The following PITPNB variants were observed in gnomAD, a reference collection of about 807,000 sequenced individuals.
PITPNB encodes phosphatidylinositol transfer protein beta isoform.
Under a neutral mutation model 45.9 loss-of-function variants are expected in PITPNB, and 16 were observed. The ratio of observed to expected loss-of-function variants is 0.35; its 90% CI spans 0.24 to 0.53. The LOEUF (loss-of-function observed/expected upper bound fraction) is 0.53, where lower values mean the gene tolerates loss of function less well. Among genes scored for constraint, PITPNB ranks in the 20% least tolerant of loss-of-function variants. The pLI is 0.93. For missense variants in PITPNB, 188 were observed against 330.5 expected, an observed-to-expected ratio of 0.57 and a Z score of 3.34; for synonymous variants, 112 against 108.9, an observed-to-expected ratio of 1.03 and a Z score of -0.18.
At chr22:27,881,244 CA>C (rs1323729429) in intron 7 of PITPNB, among the ~76,000 whole-genome samples, 1 of 152,156 alleles carries the variant, frequency 6.6e-6, no homozygotes, top group Non-Finnish European at 1.5e-5. Context: ...AGGCGTTTGG[CA>C]AACAGAAATT....
chr22:27,853,935 A>ATTT lies in PITPNB; in HGVS notation c.*39-275_*39-273dup, dbSNP rs35748712. On this transcript the variant is annotated intron_variant, in intron 11 of 11. Coordinates refer to ENST00000335272, the MANE Select transcript of PITPNB (RefSeq NM_012399.5). Reference sequence around the variant, plus strand: ...TTTAACAAAAGTAACAATAACTTAAATTTTTTTTTTTTTAATGAACATGGA... The same window carrying ATTT: ...TTTAACAAAAGTAACAATAACTTAAATTTTTTTTTTTTTTTTAATGAACATGGA... 4.9e-3 allele frequency among the ~76,000 whole-genome samples: 733 copies of ATTT among 149,206 alleles called. 19 individuals are homozygous for ATTT. In the South Asian group the frequency reaches 0.065, roughly 13 times the overall value.
chr22:27,860,544 A>G (rs1046435790), intron 8 of PITPNB: 1 of 224,830 alleles, frequency 4.4e-6, no homozygotes. Context: ...CATCAAACCA[A>G]TAGTGTCTTT....
chr22:27,898,420 T>C (rs1225246829), intron 3 of PITPNB, among the ~76,000 whole-genome samples: 1 of 150,926 alleles, frequency 6.6e-6, no homozygotes, highest in Non-Finnish European at 1.5e-5. Context: ...TGTGTGTGTG[T>C]GTGTGGTTTT....
chr22:27,918,784 A>G (rs1163909846), intron 1 of PITPNB, among the ~76,000 whole-genome samples: 2 of 152,056 alleles, frequency 1.3e-5, no homozygotes, highest in Non-Finnish European at 2.9e-5. Context: ...GTCAGAACCA[A>G]CGTGTCTCTC....
At chr22:27,916,559 C>CA (rs751908123) in intron 1 of PITPNB, among the ~76,000 whole-genome samples, 45 of 152,240 alleles carry the variant, frequency 3.0e-4, no homozygotes, top group Non-Finnish European at 5.4e-4. Context: ...CACCTGTAAT[C>CA]CCAGCACTTA....
intron 7 of PITPNB, among the ~76,000 whole-genome samples, chr22:27,891,472 A>AG (rs1935276944): frequency 6.6e-6 from 1 of 152,154 alleles, no homozygotes; most frequent in Non-Finnish European, 1.5e-5. Flanking sequence ...CATTTACTGA[A>AG]CTACACACTG....
At chr22:27,895,929 C>A (rs1247479916) in intron 6 of PITPNB, among the ~76,000 whole-genome samples, 1 of 152,194 alleles carries the variant, frequency 6.6e-6, no homozygotes, top group African/African-American at 2.4e-5. Context: ...AACTCCTAGA[C>A]CAAGGGCATC....
chr22:27,892,324 T>C lies in PITPNB; in HGVS notation c.456+2231A>G, dbSNP rs569709008. 3.9e-5 allele frequency among the ~76,000 whole-genome samples: 6 copies of C among 152,278 alleles called. No homozygotes were observed. In the South Asian group the frequency reaches 1.2e-3, roughly 32 times the overall value. On this transcript the variant is annotated intron_variant, in intron 7 of 11. Coordinates refer to ENST00000335272, the MANE Select transcript of PITPNB (RefSeq NM_012399.5). ...CATTCATGCCTGTAAACACTGCCCA[T>C]TTTCGCCTGAGGACAGGAACAAAGA... is the stretch of plus-strand genomic sequence containing the variant.
At position 27,875,794 on chromosome 22, in the gene PITPNB, A is replaced by G. The variant is rs542943413; in HGVS notation, c.457-1979T>C. ...GTAATTCAAGGAAACAGATAAAGTA[A>G]AAGAGAACTAACACAGTTCTGGCTC... On this transcript the variant is annotated intron_variant, in intron 7 of 11. Transcript: ENST00000335272. Among the ~76,000 whole-genome samples the G allele has an allele frequency of 5.3e-5, 8 of 152,332 alleles. No homozygotes were observed. The South Asian group carries it at 1.5e-3, about 28-fold the overall frequency.
At chr22:27,892,142 G>T (rs1359503437) in intron 7 of PITPNB, among the ~76,000 whole-genome samples, 2 of 152,160 alleles carry the variant, frequency 1.3e-5, no homozygotes, top group African/African-American at 4.8e-5. Context: ...GCCTTTGCAT[G>T]TGCAGTGCCT....
chr22:27,855,609 AC>A (rs1455666535), intron 10 of PITPNB, among the ~76,000 whole-genome samples: 1 of 151,912 alleles, frequency 6.6e-6, no homozygotes, highest in East Asian at 1.9e-4. Context: ...ACACATCCTC[AC>A]CCCCACCCCG....
At chr22:27,890,357 AT>A (rs35291498) in intron 7 of PITPNB, among the ~76,000 whole-genome samples, 14,950 of 147,884 alleles carry the variant, frequency 0.1, 792 homozygotes, top group Middle Eastern at 0.21. Context: ...TACTGGAATT[AT>A]TTTTTTTTTT....
At chr22:27,862,533 A>G (rs1225305694) in intron 8 of PITPNB, among the ~76,000 whole-genome samples, 1 of 152,162 alleles carries the variant, frequency 6.6e-6, no homozygotes, top group East Asian at 1.9e-4. Context: ...ATATTATAGT[A>G]AACTGTTCTC....
chr22:27,872,941 C>T (rs542517850), intron 8 of PITPNB, among the ~76,000 whole-genome samples: 8 of 152,326 alleles, frequency 5.3e-5, no homozygotes, highest in African/African-American at 1.4e-4. Context: ...TACCTTACTT[C>T]CATGAATAAA....
intron 3 of PITPNB, among the ~76,000 whole-genome samples, chr22:27,898,443 T>C (rs921145370): frequency 1.3e-5 from 2 of 151,038 alleles, no homozygotes; most frequent in Admixed American, 6.6e-5. Flanking sequence ...TTTTTTTAAA[T>C]AGAAGCAATT....
At chr22:27,855,106 T>C (rs1934133881) in intron 10 of PITPNB, among the ~76,000 whole-genome samples, 167 bp from the exon 11 acceptor site, 1 of 152,234 alleles carries the variant, frequency 6.6e-6, no homozygotes, top group Non-Finnish European at 1.5e-5. Flanking sequence ...TTTGAAGACA[T>C]TCTTGCAAAA....
chr22:27,869,405 A>T (rs1273258994), intron 8 of PITPNB, among the ~76,000 whole-genome samples: 1 of 152,200 alleles, frequency 6.6e-6, no homozygotes, highest in Non-Finnish European at 1.5e-5. Context: ...ACTCTTAACA[A>T]ATGTGGAAAA....
chr22:27,870,189 T>C (rs1399418263), intron 8 of PITPNB, among the ~76,000 whole-genome samples: 1 of 152,200 alleles, frequency 6.6e-6, no homozygotes, highest in Non-Finnish European at 1.5e-5. Flanking sequence ...TTACATGTGT[T>C]TCTCTGCCCA....
intron 3 of PITPNB, among the ~76,000 whole-genome samples, chr22:27,907,905 G>A (rs1232679472): frequency 6.6e-6 from 1 of 151,730 alleles, no homozygotes; most frequent in Non-Finnish European, 1.5e-5. Context: ...GTGCATGAGA[G>A]GGTAAAACCA....
Sources: gnomAD v4.1 joint callset for allele counts (sites outside exome capture counted in the v4.1 genomes callset) on GRCh38, gnomAD v4.1.1 for gene constraint, MANE v1.5 for transcripts, NCBI Gene and HGNC (gene_info 2026-07-23, HGNC 2026-07-21) for gene names.